Variants in ANKRD11 observed in about 807,000 individuals in gnomAD.
The protein encoded by ANKRD11 is ankyrin repeat domain 11.
ANKRD11 carries 17 observed loss-of-function variants against 195.7 expected under a neutral mutation model. The ratio of observed to expected loss-of-function variants is 0.09; its 90% CI spans 0.06 to 0.13. The LOEUF (loss-of-function observed/expected upper bound fraction) is 0.13. Ranked by LOEUF, ANKRD11 falls within the 10% of genes least tolerant of loss-of-function variation. The probability of loss-of-function intolerance (pLI) is 1.00; values close to 1 mark genes in which losing one functional copy is unlikely to be tolerated. For missense variants in ANKRD11, 3,735 were observed against 3,566.1 expected (o/e 1.05, Z -1.21); for synonymous variants, 1,953 against 1,528.1 (o/e 1.28, Z -6.49).
intron 2 of ANKRD11, among the ~76,000 whole-genome samples, chr16:89,415,829 CAAAAAAAAAAAAAA>C (rs71134220): frequency 5.0e-4 from 20 of 39,744 alleles, no homozygotes; most frequent in Admixed American, 2.1e-3. Flanking sequence ...GACTCTGTCT[CAAAAAAAAAAAAAA>C]AAAAAAACAA....
chr16:89,419,043 T>C (rs1375335473), intron 1 of ANKRD11, among the ~76,000 whole-genome samples: 4 of 152,152 alleles, frequency 2.6e-5, no homozygotes, highest in Admixed American at 2.6e-4. Flanking sequence ...ATTTTAACTT[T>C]AAGAAGCATA....
At chr16:89,438,450 G>A (rs977939119) in intron 1 of ANKRD11, among the ~76,000 whole-genome samples, 4 of 152,046 alleles carry the variant, frequency 2.6e-5, no homozygotes, top group African/African-American at 9.7e-5. Flanking sequence ...CACCCGAGTA[G>A]CTGGGACTAC....
Position 89,359,631 on chromosome 16 carries a change from TTC to T in ANKRD11, c.-59-42555_-59-42554del, listed in dbSNP as rs1272758844. Among the ~76,000 whole-genome samples, 5 of 152,330 alleles carry T rather than the reference TTC, an allele frequency of 3.3e-5. No individual in the cohort carries two copies. In the South Asian group the frequency reaches 8.3e-4, roughly 25 times the overall value. On this transcript the variant is annotated intron_variant, in intron 2 of 12. Coordinates refer to ENST00000301030, the MANE Select transcript of ANKRD11 (RefSeq NM_013275.6). Reference sequence around the variant, plus strand: ...ATGGCACAGAGCTGCTCATTTCAGCTTCTTTTACCACGAAGGTAGCCGGCTGT... The same window carrying T: ...ATGGCACAGAGCTGCTCATTTCAGCTTTTTACCACGAAGGTAGCCGGCTGT...
intron 1 of ANKRD11, among the ~76,000 whole-genome samples, chr16:89,487,401 G>C (rs1235341113): frequency 2.0e-5 from 3 of 152,164 alleles, no homozygotes; most frequent in African/African-American, 4.8e-5. Context: ...AATTGATGAT[G>C]GGCTCTCTGC....
At chr16:89,391,361 G>A (rs1397168021) in intron 2 of ANKRD11, among the ~76,000 whole-genome samples, 2 of 152,144 alleles carry the variant, frequency 1.3e-5, no homozygotes, top group African/African-American at 2.4e-5. Flanking sequence ...GCAGTCTTGC[G>A]GGACTCAGTC....
intron 1 of ANKRD11, among the ~76,000 whole-genome samples, chr16:89,432,270 CACACACA>C (rs1567797174): frequency 2.6e-5 from 4 of 151,346 alleles, no homozygotes; most frequent in Admixed American, 6.6e-5. Context: ...CACACACACA[CACACACA>C]CCCCTGGAAA....
intron 2 of ANKRD11, among the ~76,000 whole-genome samples, chr16:89,340,302 G>A (rs971284439): frequency 1.3e-5 from 2 of 152,234 alleles, no homozygotes; most frequent in African/African-American, 4.8e-5. Context: ...TTTTGAGACG[G>A]AGTCTCGCTC....
chr16:89,435,851 G>C (rs935839298), intron 1 of ANKRD11, among the ~76,000 whole-genome samples: 4 of 148,594 alleles, frequency 2.7e-5, no homozygotes. Context: ...CGGTCTGTTC[G>C]CTCAAGGAAC....
intron 2 of ANKRD11, among the ~76,000 whole-genome samples, chr16:89,393,409 T>C (rs1406963540): frequency 6.6e-6 from 1 of 151,166 alleles, no homozygotes; most frequent in Non-Finnish European, 1.5e-5. Flanking sequence ...CTGCAACCTC[T>C]GCCTCCTGAG....
rs141591425 is a variant in ANKRD11 at position 89,440,981 on chromosome 16, T to C, written c.-144-22613A>G. On this transcript the variant is annotated intron_variant, in intron 1 of 12. Transcript: ENST00000301030. ...GGCCAGACACAGTGGCTCACGCCTG[T>C]AATCCCAGCACTTTGGGAGGCCGAG... is the stretch of plus-strand genomic sequence containing the variant. Among the ~76,000 whole-genome samples the C allele has an allele frequency of 2.7e-4, 41 of 152,298 alleles. No homozygotes were observed. The East Asian group carries it at 7.9e-3, about 29-fold the overall frequency.
At chr16:89,470,531 A>C (rs1299004601) in intron 1 of ANKRD11, among the ~76,000 whole-genome samples, 1 of 150,954 alleles carries the variant, frequency 6.6e-6, no homozygotes, top group Admixed American at 6.6e-5. Context: ...GGTAAATACT[A>C]AAGTATTAGT....
At chr16:89,433,126 G>C (rs567514977) in intron 1 of ANKRD11, among the ~76,000 whole-genome samples, 3 of 152,218 alleles carry the variant, frequency 2.0e-5, no homozygotes, top group Admixed American at 2.0e-4. Context: ...AGCTTCTTTA[G>C]AACAGATGGA....
chr16:89,487,708 AGG>A (rs1437333891), intron 1 of ANKRD11, among the ~76,000 whole-genome samples: 1 of 152,192 alleles, frequency 6.6e-6, no homozygotes, highest in African/African-American at 2.4e-5. Flanking sequence ...CAGGAGACGG[AGG>A]TTGCAATGAG....
intron 1 of ANKRD11, among the ~76,000 whole-genome samples, chr16:89,423,967 C>T (rs1477425259): frequency 6.6e-6 from 1 of 151,970 alleles, no homozygotes; most frequent in Admixed American, 6.6e-5. Context: ...ACCTTGTAAG[C>T]GGGTAAGGGG....
At chr16:89,392,001 G>A (rs1353425436) in intron 2 of ANKRD11, among the ~76,000 whole-genome samples, 1 of 152,192 alleles carries the variant, frequency 6.6e-6, no homozygotes, top group African/African-American at 2.4e-5. Context: ...ACCTTTCTCA[G>A]CATTCCACAA....
intron 3 of ANKRD11, chr16:89,313,525 A>T (rs1207211194): frequency 7.8e-7 from 1 of 1,289,198 alleles, no homozygotes; most frequent in Non-Finnish European, 1.0e-6. Context: ...TGCACTGCAG[A>T]GTTGTGGGCT....
intron 4 of ANKRD11, chr16:89,298,894 T>A (rs1009032853): frequency 6.6e-6 from 1 of 152,226 alleles, no homozygotes; most frequent in African/African-American, 2.4e-5. Flanking sequence ...AATATTTTAT[T>A]TTGACGTGCT....
chr16:89,375,943 C>T (rs2040406097), intron 2 of ANKRD11, among the ~76,000 whole-genome samples: 2 of 152,142 alleles, frequency 1.3e-5, no homozygotes, highest in Non-Finnish European at 2.9e-5. Flanking sequence ...AAAAGCTAAA[C>T]TTGCGTGACA....
At chr16:89,455,629 C>G (rs531629673) in intron 1 of ANKRD11, among the ~76,000 whole-genome samples, 2 of 152,110 alleles carry the variant, frequency 1.3e-5, no homozygotes, top group East Asian at 3.9e-4. Flanking sequence ...AATGAAAAAG[C>G]TGCTCGATTT....
Sources: gnomAD v4.1 joint callset for allele counts (sites outside exome capture counted in the v4.1 genomes callset) on GRCh38, gnomAD v4.1.1 for gene constraint, MANE v1.5 for transcripts, NCBI Gene and HGNC (gene_info 2026-07-23, HGNC 2026-07-21) for gene names.